ARHGEF6: variants seen among roughly 807,000 people sequenced by gnomAD.
ARHGEF6 encodes Rac/Cdc42 guanine nucleotide exchange factor 6, also known as rho guanine nucleotide exchange factor 6.
ARHGEF6 carries 9 observed loss-of-function variants against 70.3 expected under a neutral mutation model. That is an observed-to-expected ratio of 0.13 (90% CI 0.08 to 0.22). ARHGEF6 has a LOEUF of 0.22. ARHGEF6 is among the 10% of genes least tolerant of loss of function. The pLI, the probability that ARHGEF6 is intolerant of heterozygous loss-of-function variation, is 1.00. For missense variants in ARHGEF6, 470 were observed against 563.0 expected (o/e 0.83, Z 1.67); for synonymous variants, 201 against 207.8 (o/e 0.97, Z 0.28).
At chrX:136,675,353 G>T (rs1014924312) in intron 18 of ARHGEF6, among the ~76,000 whole-genome samples, 6 of 108,932 alleles carry the variant, frequency 5.5e-5, no homozygotes, top group East Asian at 2.9e-4. Context: ...ACCGGGGTGG[G>T]GGGGGCGGTG....
intron 6 of ARHGEF6, among the ~76,000 whole-genome samples, chrX:136,730,868 T>C (rs1024723107): frequency 1.4e-4 from 15 of 110,941 alleles, no homozygotes; most frequent in African/African-American, 4.6e-4. Flanking sequence ...ACACTTTAAG[T>C]TGGTAGAATC....
intron 9 of ARHGEF6, among the ~76,000 whole-genome samples, chrX:136,691,723 T>C (rs1292326127): frequency 8.9e-6 from 1 of 111,907 alleles, no homozygotes; most frequent in African/African-American, 3.3e-5. Flanking sequence ...GCTCATTCCA[T>C]CTGGCTCACT....
chrX:136,770,608 TAC>T (rs1164205169), intron 2 of ARHGEF6, among the ~76,000 whole-genome samples: 1 of 112,528 alleles, frequency 8.9e-6, no homozygotes, highest in African/African-American at 3.2e-5. Flanking sequence ...ACCAATGGCA[TAC>T]TCTTGTATAA....
At chrX:136,748,045 T>G (rs750239442) in intron 2 of ARHGEF6, among the ~76,000 whole-genome samples, 2 of 112,134 alleles carry the variant, frequency 1.8e-5, no homozygotes, top group South Asian at 7.5e-4. Context: ...TTATTAGCTG[T>G]GCCTAGTTGA....
chrX:136,768,837 T>G, intron 2 of ARHGEF6, among the ~76,000 whole-genome samples: 1 of 110,438 alleles, frequency 9.1e-6, no homozygotes, highest in Non-Finnish European at 1.9e-5. Context: ...CAAGCCTCAC[T>G]TTGGGGAGGG....
chrX:136,765,489 T>G (rs1005393448), intron 2 of ARHGEF6, among the ~76,000 whole-genome samples: 1 of 111,815 alleles, frequency 8.9e-6, no homozygotes, highest in Admixed American at 9.5e-5. Flanking sequence ...TGTAGGTAAA[T>G]AGAAACCACA....
chrX:136,756,703 GTTA>G (rs757754664), intron 2 of ARHGEF6, among the ~76,000 whole-genome samples: 52 of 112,265 alleles, frequency 4.6e-4, no homozygotes, highest in African/African-American at 1.6e-3. Context: ...CTGTGCCAAA[GTTA>G]TTATTATTTT....
At chrX:136,778,128 C>T (rs2148691371) in intron 2 of ARHGEF6, among the ~76,000 whole-genome samples, 1 of 111,452 alleles carries the variant, frequency 9.0e-6, no homozygotes, top group Admixed American at 9.5e-5. Context: ...CCTGTTCCTC[C>T]CAAACTATTG....
At chrX:136,724,560 G>C (rs2076834931) in intron 6 of ARHGEF6, among the ~76,000 whole-genome samples, 1 of 111,356 alleles carries the variant, frequency 9.0e-6, no homozygotes, top group African/African-American at 3.3e-5. Flanking sequence ...GTGCTATCTT[G>C]GCTCACTGCA....
At chrX:136,699,460 C>T (rs1395213093) in intron 9 of ARHGEF6, among the ~76,000 whole-genome samples, 5 of 111,265 alleles carry the variant, frequency 4.5e-5, no homozygotes, top group Non-Finnish European at 3.8e-5. Context: ...CTGATTTCAG[C>T]TCTGACATCG....
At chrX:136,743,555 A>G (rs1305243514) in intron 5 of ARHGEF6, 30 bp downstream of exon 5, 8 of 1,181,331 alleles carry the variant, frequency 6.8e-6, no homozygotes, top group Middle Eastern at 2.3e-4. Context: ...AAGAGTCACA[A>G]TCAAAAAGCC....
In ARHGEF6 at chrX:136,666,192, G is replaced by A. The variant is rs1194758139; in HGVS notation, c.*1837C>T. Reference sequence around the variant, plus strand: ...CAGCTTCCAAACACGGCTGTGTGTGGTTGGCTGATGTTGGACTGCAAAAAT... The same window carrying A: ...CAGCTTCCAAACACGGCTGTGTGTGATTGGCTGATGTTGGACTGCAAAAAT... On this transcript the variant is annotated 3_prime_UTR_variant, in exon 22 of 22. Transcript: ENST00000250617. 1 of 112,674 alleles carries A rather than the reference G, an allele frequency of 8.9e-6. No individual in the cohort carries two copies. The highest frequency in any genetic ancestry group is 3.2e-5 in the African/African-American group (1 of 30,966). 9.3% of individuals were successfully genotyped at this position (112,674 alleles called of 1,213,427 possible).
Position 136,747,685 on chromosome X carries a change from A to G in ARHGEF6, c.250-93T>C, listed in dbSNP as rs1032408942. 9.6e-4 allele frequency: 203 copies of G among 211,528 alleles called. 2 individuals carry two copies. Among genetic ancestry groups the G allele is most frequent in the Non-Finnish European group, 1.4e-3 (179 of 124,480 alleles). 17.4% of individuals were successfully genotyped at this position (211,528 alleles called of 1,213,427 possible). On this transcript the variant is annotated intron_variant, in intron 2 of 21. Transcript: ENST00000250617. ...AAGGCCACTTCCTCCAGCTCTCCGG[A>G]AAAAAAAAAAAAAAAAAAAAGTGTA...
At position 136,680,880 on chromosome X, in the gene ARHGEF6, C is replaced by G. The variant is rs779859503; in HGVS notation, c.1559-4G>C. 2 of 1,211,679 alleles carry G rather than the reference C, an allele frequency of 1.7e-6. No homozygotes were observed. The highest frequency in any genetic ancestry group is 2.2e-6 in the Non-Finnish European group (2 of 895,255). On this transcript the variant is annotated splice_polypyrimidine_tract_variant and splice_region_variant and intron_variant, in intron 14 of 21. Transcript: ENST00000250617. Reference sequence around the variant, plus strand: ...ACAATTCTCTCCACTGTGTTACCTACATCCCCCAATTATGATCAGTTTGAA... The same window carrying G: ...ACAATTCTCTCCACTGTGTTACCTAGATCCCCCAATTATGATCAGTTTGAA...
At chrX:136,708,857 A>C (rs770269158) in intron 7 of ARHGEF6, 87 bp from the exon 8 acceptor site, 12 of 666,973 alleles carry the variant, frequency 1.8e-5, no homozygotes, top group Non-Finnish European at 2.1e-5. Context: ...AAAGGGAGGT[A>C]ATACCTATAT....
At chrX:136,701,702 C>CT (rs762628006) in intron 9 of ARHGEF6, among the ~76,000 whole-genome samples, 1,143 of 68,102 alleles carry the variant, frequency 0.017, 1 homozygote, top group Non-Finnish European at 0.02. Flanking sequence ...TTTCATTTTT[C>CT]TTTTTTTTTT....
At chrX:136,775,763 G>A (rs1486932803) in intron 2 of ARHGEF6, among the ~76,000 whole-genome samples, 2 of 111,330 alleles carry the variant, frequency 1.8e-5, no homozygotes, top group African/African-American at 6.5e-5. Context: ...AACTCTCACT[G>A]TTTGCTGATG....
Position 136,679,621 on chromosome X carries a change from G to T in ARHGEF6, c.1744C>A (p.Pro582Thr). 2 of 1,210,817 alleles carry T rather than the reference G, an allele frequency of 1.7e-6. No homozygotes were observed. The highest frequency in any genetic ancestry group is 2.2e-6 in the Non-Finnish European group (2 of 894,587). The change falls in exon 16 of 22, where the codon CCT becomes ACT. Residue 582 changes from proline (P) to threonine (T), a missense_variant. Physicochemically the swap from Pro to Thr is conservative, Grantham distance 38. Transcript: ENST00000250617. ...CTCCACGGTTTTATAATTTGAGGAG[G>T]CTCCAAGGGTCCTCGGGGCTGTCCG... ...STGQPRGPLE[P>T]PQIIKPWSLS... is the part of the protein sequence containing the mutation.
intron 18 of ARHGEF6, among the ~76,000 whole-genome samples, chrX:136,675,859 A>G (rs2076277576): frequency 9.2e-6 from 1 of 108,391 alleles, no homozygotes; most frequent in Non-Finnish European, 1.9e-5. Context: ...ATAGTCACTC[A>G]TTTTCCCTTC....
Sources: allele counts gnomAD v4.1 joint callset (sites outside exome capture counted in the v4.1 genomes callset), GRCh38; gene constraint gnomAD v4.1.1; transcripts MANE v1.5; gene names NCBI Gene and HGNC (gene_info 2026-07-23, HGNC 2026-07-21).